The following UNC50 variants were observed in gnomAD, a reference collection of about 807,000 sequenced individuals.
UNC50 encodes protein unc-50 homolog.
A neutral mutation model predicts 31.5 loss-of-function variants in UNC50; 24 were observed. The ratio of observed to expected loss-of-function variants is 0.76; its 90% CI spans 0.55 to 1.07. The LOEUF is 1.07. Among genes scored for constraint, UNC50 ranks in the 50% least tolerant of loss-of-function variants. The pLI is 0.00. For missense variants in UNC50, 245 were observed against 304.2 expected (o/e 0.81, Z 1.45); for synonymous variants, 118 against 114.7 (o/e 1.03, Z -0.18).
intron 5 of UNC50, among the ~76,000 whole-genome samples, chr2:98,617,767 A>G (rs1487225738): frequency 6.6e-6 from 1 of 152,206 alleles, no homozygotes; most frequent in African/African-American, 2.4e-5. Context: ...TAGCTAAAAG[A>G]TGTTTTCCTA....
At position 98,616,442 on chromosome 2, in the gene UNC50, G is replaced by A; in HGVS notation, c.552G>A (p.Leu184=). The change falls in exon 5 of 6, where the codon CTG becomes CTA. Residue 184 remains leucine, a synonymous_variant. Coordinates refer to ENST00000357765, the MANE Select transcript of UNC50 (RefSeq NM_014044.7). ...IQLFFINHVI[L]TDTFIGYLVG... The stretch of plus-strand genomic sequence containing the variant: ...CGTCTCTTCTGGCAGATGTTATCCT[G>A]ACAGACACATTTATTGGATATTTAG... 6.2e-7 allele frequency: 1 copy of A among 1,614,048 alleles called. No individual in the cohort carries two copies. The highest frequency in any genetic ancestry group is 8.5e-7 in the Non-Finnish European group (1 of 1,179,950).
chr2:98,615,353 T>A (rs1267344577), intron 3 of UNC50, among the ~76,000 whole-genome samples: 2 of 152,200 alleles, frequency 1.3e-5, no homozygotes, highest in African/African-American at 4.8e-5. Context: ...TCCATACTAG[T>A]TGGCATCTTC....
chr2:98,612,465 A>C (rs1445751166), intron 3 of UNC50, among the ~76,000 whole-genome samples: 1 of 151,474 alleles, frequency 6.6e-6, no homozygotes, highest in Non-Finnish European at 1.5e-5. Flanking sequence ...GCTGGAGTGC[A>C]ATGGTGTGAT....
intron 3 of UNC50, among the ~76,000 whole-genome samples, chr2:98,614,827 A>G (rs956834462): frequency 4.6e-5 from 7 of 152,202 alleles, no homozygotes; most frequent in African/African-American, 7.2e-5. Flanking sequence ...GCATTTTCAG[A>G]TAACGAAATG....
rs1319776129 is a variant in UNC50 at position 98,616,482 on chromosome 2, T to C, written c.592T>C (p.Trp198Arg). ...FIGYLVGNTL[W>R]LVAVGYYIYV... ...TGGATATTTAGTTGGAAATACCTTA[T>C]GGTTGGTTGCAGTTGGCTATTATAT... The change falls in exon 5 of 6, where the codon TGG becomes CGG. Residue 198 changes from tryptophan (W) to arginine (R), a missense_variant. Transcript: ENST00000357765. The C allele has an allele frequency of 1.9e-6, 3 of 1,614,008 alleles. No homozygotes were observed. The highest frequency in any genetic ancestry group is 1.7e-6 in the Non-Finnish European group (2 of 1,179,978).
chr2:98,611,108 C>A (rs1026803537), intron 3 of UNC50, among the ~76,000 whole-genome samples: 2 of 152,202 alleles, frequency 1.3e-5, no homozygotes, highest in Non-Finnish European at 2.9e-5. Context: ...TCAAATGTAG[C>A]AAATAATTGA....
chr2:98,616,269 A>G lies in UNC50; in HGVS notation c.464A>G (p.Tyr155Cys), dbSNP rs373571269. ...QSRDYDVEWG[Y>C]AFDVHLNAFY... Reference sequence around the variant, plus strand: ...AGAGACTATGATGTGGAATGGGGCTATGCTTTTGATGTGCATCTCAATGCT... The same window carrying G: ...AGAGACTATGATGTGGAATGGGGCTGTGCTTTTGATGTGCATCTCAATGCT... The change falls in exon 4 of 6, where the codon TAT becomes TGT. Residue 155 changes from tyrosine to cysteine, a missense_variant. By Grantham distance (194) the Tyr-to-Cys change is radical (BLOSUM62 -2). Coordinates refer to ENST00000357765, the MANE Select transcript of UNC50 (RefSeq NM_014044.7). The G allele has an allele frequency of 1.9e-5, 31 of 1,614,076 alleles. No individual in the cohort carries two copies. Among genetic ancestry groups the G allele is most frequent in the Non-Finnish European group, 2.5e-5 (29 of 1,180,028 alleles).
chr2:98,610,952 T>C, intron 3 of UNC50, 57 bp downstream of exon 3: 2 of 1,558,202 alleles, frequency 1.3e-6, no homozygotes, highest in Non-Finnish European at 1.7e-6. Flanking sequence ...ATTTGTTTGC[T>C]TCAGAGGTAC....
intron 2 of UNC50, 143 bp from the exon 3 acceptor site, chr2:98,610,632 A>G (rs1700810620): frequency 4.7e-6 from 5 of 1,064,598 alleles, no homozygotes; most frequent in Non-Finnish European, 5.4e-6. Flanking sequence ...GCTGTGTCCC[A>G]AGGTAGTGTT....
At chr2:98,610,754 T>A in intron 2 of UNC50, 21 bp from the exon 3 acceptor site, 1 of 1,612,562 alleles carries the variant, frequency 6.2e-7, no homozygotes, top group Non-Finnish European at 8.5e-7. Context: ...CCTAAATGAA[T>A]CTTGTGAATC....
At chr2:98,612,032 CTT>C (rs1264890246) in intron 3 of UNC50, among the ~76,000 whole-genome samples, 1 of 138,500 alleles carries the variant, frequency 7.2e-6, no homozygotes, top group East Asian at 2.4e-4. Context: ...CTCAGTCTGA[CTT>C]TGGTTGATTT....
At position 98,618,423 on chromosome 2, in the gene UNC50, A is replaced by G; in HGVS notation, c.*119A>G. The G allele has an allele frequency of 2.0e-6, 2 of 1,017,072 alleles. No homozygotes were observed. The highest frequency in any genetic ancestry group is 2.6e-6 in the Non-Finnish European group (2 of 755,432). The allele number at this position is 1,017,072 out of a possible 1,614,324, so 63.0% of individuals were successfully genotyped here. ...ATATCTTAAAGGTGTAAAGTTTGCA[A>G]ATTTGAAGAAATATATATTAACACT... On this transcript the variant is annotated 3_prime_UTR_variant, in exon 6 of 6. Transcript: ENST00000357765.
chr2:98,616,569 A>G (rs776459176), intron 5 of UNC50, 36 bp downstream of exon 5: 1 of 1,551,248 alleles, frequency 6.4e-7, no homozygotes, highest in South Asian at 1.1e-5. Context: ...GGTTGAGAAC[A>G]TAGCAAGAGG....
intron 3 of UNC50, 73 bp from the exon 4 acceptor site, chr2:98,616,134 C>A: frequency 6.9e-7 from 1 of 1,457,726 alleles, no homozygotes; most frequent in Non-Finnish European, 9.3e-7. Flanking sequence ...AGAATGTCTG[C>A]CGCATAGAAA....
intron 3 of UNC50, among the ~76,000 whole-genome samples, chr2:98,612,260 CTTCTT>C (rs1700845688): frequency 6.6e-6 from 1 of 152,246 alleles, no homozygotes; most frequent in African/African-American, 2.4e-5. Flanking sequence ...GTCCCAGTCT[CTTCTT>C]TTACAAAATC....
rs774178037 is a variant in UNC50, at chr2:98,610,851, CAT to C, written c.359_360del (p.Ile120ArgfsTer18). The C allele has an allele frequency of 3.7e-6, 6 of 1,614,004 alleles. No homozygotes were observed. The highest frequency in any genetic ancestry group is 5.1e-6 in the Non-Finnish European group (6 of 1,180,012). The stretch of plus-strand genomic sequence containing the variant: ...TAAAGCTTCTCCTTTGGGTTGTACT[CAT>C]AGATTGTGTAGGCGTTGGTCTTCTG... Reference protein sequence around the residue: ...TIKLLLWVVLIDCVGVGLLIA... With the variant: ...TIKLLLWVVLXDCVGVGLLIA... On this transcript the variant is annotated frameshift_variant, in exon 3 of 6. Transcript: ENST00000357765. LOFTEE classifies it high-confidence loss of function.
intron 3 of UNC50, 124 bp from the exon 4 acceptor site, chr2:98,616,083 G>A (rs928210886): frequency 1.1e-6 from 1 of 884,702 alleles, no homozygotes; most frequent in Non-Finnish European, 1.7e-6. Context: ...GGAAGGCAGG[G>A]ATTTTTGTCT....
chr2:98,610,769 T>A lies in UNC50; in HGVS notation c.281-6T>A. On this transcript the variant is annotated splice_region_variant and splice_polypyrimidine_tract_variant and intron_variant, in intron 2 of 5. Transcript: ENST00000357765. ...CCTAAATGAATCTTGTGAATCTTTC[T>A]TTCAGTGTCCACTATAGGATTTGGC... 1 of 1,613,376 alleles carries A rather than the reference T, an allele frequency of 6.2e-7. No individual in the cohort carries two copies. The highest frequency in any genetic ancestry group is 8.5e-7 in the Non-Finnish European group (1 of 1,179,770).
chr2:98,615,390 C>A (rs1025097423), intron 3 of UNC50, among the ~76,000 whole-genome samples: 2 of 152,208 alleles, frequency 1.3e-5, no homozygotes, highest in Non-Finnish European at 2.9e-5. Context: ...ATTCAAACTT[C>A]CGCACACTCC....
Sources: allele counts gnomAD v4.1 joint callset (sites outside exome capture counted in the v4.1 genomes callset), GRCh38; gene constraint gnomAD v4.1.1; transcripts MANE v1.5; gene names NCBI Gene and HGNC (gene_info 2026-07-23, HGNC 2026-07-21).